The following ROBO1 variants were observed in gnomAD, a reference collection of about 807,000 sequenced individuals.
ROBO1 encodes roundabout guidance receptor 1.
Under a neutral mutation model 195.9 loss-of-function variants are expected in ROBO1, and 149 were observed. The observed-to-expected ratio is 0.76, with a 90% CI of 0.67 to 0.87. The LOEUF (loss-of-function observed/expected upper bound fraction) is 0.87, where lower values mean the gene tolerates loss of function less well. Among genes scored for constraint, ROBO1 ranks in the 40% least tolerant of loss-of-function variants. The pLI, the probability that ROBO1 is intolerant of heterozygous loss-of-function variation, is 0.00. For synonymous variants in ROBO1, 816 were observed against 733.2 expected, an observed-to-expected ratio of 1.11 and a Z score of -1.82; for missense variants, 1,933 against 2,068.3, an observed-to-expected ratio of 0.93 and a Z score of 1.27.
At position 79,551,479 on chromosome 3, in the gene ROBO1, A is replaced by G. The variant is rs576928069; in HGVS notation, c.88+38345T>C. Among the ~76,000 whole-genome samples, 188 of 152,258 alleles carry G rather than the reference A, an allele frequency of 1.2e-3. 1 individual carries two copies. Among genetic ancestry groups the G allele is most frequent in the Non-Finnish European group, 2.1e-3 (144 of 68,010 alleles). The stretch of plus-strand genomic sequence containing the variant: ...TTCAAATCATTGTAAGTTTTGTAAA[A>G]TAAAAATTTGTTGTGAAAATGTCCT... On this transcript the variant is annotated intron_variant, in intron 2 of 30. Coordinates refer to ENST00000464233, the MANE Select transcript of ROBO1 (RefSeq NM_002941.4).
At position 78,753,927 on chromosome 3, in the gene ROBO1, A is replaced by G. The variant is rs189387971; in HGVS notation, c.500-7027T>C. Among the ~76,000 whole-genome samples the G allele has an allele frequency of 3.2e-3, 492 of 152,320 alleles. 7 individuals carry two copies. The highest frequency in any genetic ancestry group is 0.011 in the African/African-American group (457 of 41,572). On this transcript the variant is annotated intron_variant, in intron 4 of 30. Transcript: ENST00000464233. ...AAAATAACCTATAAATGATAGATTT[A>G]TTTTAAAAGTTCACTTTTTACAGGA...
At chr3:79,535,034 C>G (rs900342244) in intron 2 of ROBO1, among the ~76,000 whole-genome samples, 2 of 151,882 alleles carry the variant, frequency 1.3e-5, no homozygotes, top group East Asian at 3.9e-4. Flanking sequence ...TATACGATCT[C>G]TCCTAGAAAA....
intron 2 of ROBO1, among the ~76,000 whole-genome samples, chr3:79,421,796 G>C (rs569007439): frequency 2.6e-5 from 4 of 152,144 alleles, no homozygotes; most frequent in South Asian, 2.1e-4. Flanking sequence ...TAAATAAAAT[G>C]TTAGTGACTA....
At chr3:79,725,223 C>CTTTTTTTTTTTTT (rs35418345) in intron 1 of ROBO1, among the ~76,000 whole-genome samples, 1 of 106,508 alleles carries the variant, frequency 9.4e-6, no homozygotes, top group African/African-American at 3.6e-5. Context: ...CTCTCTTCTT[C>CTTTTTTTTTTTTT]TTTTTTTTTT....
intron 1 of ROBO1, among the ~76,000 whole-genome samples, chr3:79,642,697 T>C (rs1485852827): frequency 1.3e-5 from 2 of 152,148 alleles, no homozygotes; most frequent in African/African-American, 4.8e-5. Context: ...AGATAAAGTA[T>C]GTCCTAGACA....
At chr3:79,513,253 T>G (rs2107548514) in intron 2 of ROBO1, among the ~76,000 whole-genome samples, 1 of 152,274 alleles carries the variant, frequency 6.6e-6, no homozygotes, top group African/African-American at 2.4e-5. Context: ...AAATGTAATA[T>G]ATTCTATCAT....
chr3:79,116,143 G>T (rs1355980021), intron 3 of ROBO1, among the ~76,000 whole-genome samples: 1 of 152,092 alleles, frequency 6.6e-6, no homozygotes, highest in Non-Finnish European at 1.5e-5. Flanking sequence ...TGGGTGATTG[G>T]TTCCAGGATC....
At chr3:79,268,682 A>G (rs778521384) in intron 2 of ROBO1, among the ~76,000 whole-genome samples, 47 of 151,706 alleles carry the variant, frequency 3.1e-4, no homozygotes, top group Non-Finnish European at 6.3e-4. Flanking sequence ...TGGTGGATTT[A>G]GATGATCACA....
intron 9 of ROBO1, 117 bp from the exon 10 acceptor site, chr3:78,686,034 T>A: frequency 1.3e-6 from 1 of 790,604 alleles, no homozygotes; most frequent in Non-Finnish European, 2.0e-6. Context: ...TTCATACACA[T>A]ATGCATATGT....
At chr3:79,368,600 T>C (rs1282170118) in intron 2 of ROBO1, among the ~76,000 whole-genome samples, 1 of 152,052 alleles carries the variant, frequency 6.6e-6, no homozygotes, top group Non-Finnish European at 1.5e-5. Context: ...AGAACCAGAC[T>C]TTCCCTAACC....
At chr3:78,633,309 C>T (rs1049446874) in intron 24 of ROBO1, among the ~76,000 whole-genome samples, 22 of 152,202 alleles carry the variant, frequency 1.4e-4, no homozygotes, top group Non-Finnish European at 7.3e-5. Context: ...AAGCTCCCAT[C>T]TGCAGCCCCT....
chr3:79,385,164 T>C (rs1232996725), intron 2 of ROBO1, among the ~76,000 whole-genome samples: 1 of 152,110 alleles, frequency 6.6e-6, no homozygotes, highest in Non-Finnish European at 1.5e-5. Context: ...TTTAGGAATT[T>C]CACTATTTGT....
At chr3:78,835,859 G>T (rs570067859) in intron 4 of ROBO1, among the ~76,000 whole-genome samples, 1 of 152,204 alleles carries the variant, frequency 6.6e-6, no homozygotes, top group African/African-American at 2.4e-5. Context: ...GGTACTGTTA[G>T]GGCTGACATT....
intron 2 of ROBO1, among the ~76,000 whole-genome samples, chr3:79,333,331 G>T (rs889006117): frequency 6.6e-6 from 1 of 151,668 alleles, no homozygotes; most frequent in Non-Finnish European, 1.5e-5. Context: ...AAACACATGC[G>T]CAACCATGTA....
intron 2 of ROBO1, among the ~76,000 whole-genome samples, chr3:79,249,976 G>A (rs2082690754): frequency 6.6e-6 from 1 of 152,152 alleles, no homozygotes; most frequent in Non-Finnish European, 1.5e-5. Context: ...GGAATAATAA[G>A]TGAAGACCAG....
chr3:79,266,430 A>T (rs1347454887), intron 2 of ROBO1, among the ~76,000 whole-genome samples: 1 of 151,616 alleles, frequency 6.6e-6, no homozygotes, highest in Non-Finnish European at 1.5e-5. Flanking sequence ...AACCTGCAAG[A>T]GATAGAAAAT....
At chr3:78,877,019 T>C (rs953271789) in intron 4 of ROBO1, among the ~76,000 whole-genome samples, 1 of 152,092 alleles carries the variant, frequency 6.6e-6, no homozygotes, top group Non-Finnish European at 1.5e-5. Flanking sequence ...GCACATTCAA[T>C]AGGACATAAG....
intron 3 of ROBO1, among the ~76,000 whole-genome samples, chr3:79,079,149 CAAAT>C (rs1262287741): frequency 6.6e-6 from 1 of 151,552 alleles, no homozygotes; most frequent in Non-Finnish European, 1.5e-5. Context: ...TAACTCTTGT[CAAAT>C]AACACCATAT....
chr3:79,106,374 A>C (rs2079780361), intron 3 of ROBO1, among the ~76,000 whole-genome samples: 1 of 151,516 alleles, frequency 6.6e-6, no homozygotes, highest in Admixed American at 6.6e-5. Context: ...AATTAACAAC[A>C]TTTTTAATGA....
Sources: gnomAD v4.1 joint callset for allele counts (sites outside exome capture counted in the v4.1 genomes callset) on GRCh38, gnomAD v4.1.1 for gene constraint, MANE v1.5 for transcripts, NCBI Gene and HGNC (gene_info 2026-07-23, HGNC 2026-07-21) for gene names.